The following FAM83F variants were observed in gnomAD, a reference collection of about 807,000 sequenced individuals.
FAM83F encodes scaffolding CK1 anchoring protein F.
FAM83F carries 45 observed loss-of-function variants against 42.9 expected under a neutral mutation model. The ratio of observed to expected loss-of-function variants is 1.05; its 90% CI spans 0.83 to 1.35. FAM83F has a LOEUF of 1.35. Ranked by LOEUF, FAM83F falls within the 40% of genes most tolerant of loss-of-function variation. The pLI, the probability that FAM83F is intolerant of heterozygous loss-of-function variation, is 0.00. For synonymous variants in FAM83F, 306 were observed against 298.3 expected, an observed-to-expected ratio of 1.03 and a Z score of -0.27; for missense variants, 617 against 695.9, an observed-to-expected ratio of 0.89 and a Z score of 1.28.
rs1315896776 is a variant in FAM83F at position 40,039,871 on chromosome 22, T to C, written c.*10306T>C. 4 of 152,220 alleles carry C rather than the reference T, an allele frequency of 2.6e-5. No homozygotes were observed. The highest frequency in any genetic ancestry group is 2.1e-4 in the South Asian group (1 of 4,838). 9.4% of individuals were successfully genotyped at this position (152,220 alleles called of 1,614,324 possible). The stretch of plus-strand genomic sequence containing the variant: ...TTGGATCTTGGCCACAAAAAGGTTA[T>C]AGATGAGCTTAGAGAAATGAATTTC... On this transcript the variant is annotated 3_prime_UTR_variant, in exon 5 of 5. Coordinates refer to ENST00000333407, the MANE Select transcript of FAM83F (RefSeq NM_138435.4).
intron 3 of FAM83F, among the ~76,000 whole-genome samples, chr22:40,020,897 C>T (rs945873121): frequency 7.2e-5 from 11 of 152,230 alleles, no homozygotes; most frequent in Non-Finnish European, 1.3e-4. Flanking sequence ...GTGGCAGCTG[C>T]AGTTACTATT....
rs1300764551 is a variant in FAM83F at position 40,041,533 on chromosome 22, A to G, written c.*11968A>G. On this transcript the variant is annotated 3_prime_UTR_variant, in exon 5 of 5. Coordinates refer to ENST00000333407, the MANE Select transcript of FAM83F (RefSeq NM_138435.4). ...CCCAAAAGTCCTGCCATTGGCTCTG[A>G]CAGGAATTGAAACCCATCTTCTCCA... 1 of 152,210 alleles carries G rather than the reference A, an allele frequency of 6.6e-6. No homozygotes were observed. The highest frequency in any genetic ancestry group is 2.4e-5 in the African/African-American group (1 of 41,444). The allele number at this position is 152,210 out of a possible 1,614,324, so 9.4% of individuals were successfully genotyped here. A position where few individuals can be genotyped will look rare whatever the true frequency, so the allele number is the denominator to read the frequency against.
At position 40,031,205 on chromosome 22, in the gene FAM83F, C is replaced by T. The variant is rs1273800226; in HGVS notation, c.*1640C>T. 1 of 147,608 alleles carries T rather than the reference C, an allele frequency of 6.8e-6. No individual in the cohort carries two copies. Among genetic ancestry groups the T allele is most frequent in the African/African-American group, 2.5e-5 (1 of 39,448 alleles). 9.1% of individuals were successfully genotyped at this position (147,608 alleles called of 1,614,324 possible). On this transcript the variant is annotated 3_prime_UTR_variant, in exon 5 of 5. Coordinates refer to ENST00000333407, the MANE Select transcript of FAM83F (RefSeq NM_138435.4). The stretch of plus-strand genomic sequence containing the variant: ...GAAGTGTTTCCTTAGGCACCAAGAC[C>T]AGGCAGTGTGGCATGAGCTCATTCT...
intron 1 of FAM83F, among the ~76,000 whole-genome samples, chr22:40,000,714 A>G (rs2067396479): frequency 6.6e-6 from 1 of 152,192 alleles, no homozygotes; most frequent in Non-Finnish European, 1.5e-5. Flanking sequence ...ACCTTGTTTG[A>G]GAGCTGGTCC....
At chr22:40,017,229 T>C (rs930625801) in intron 1 of FAM83F, among the ~76,000 whole-genome samples, 5 of 147,148 alleles carry the variant, frequency 3.4e-5, no homozygotes, top group Non-Finnish European at 6.0e-5. Flanking sequence ...CACTTTCTTT[T>C]TTTTTTTTTT....
intron 1 of FAM83F, among the ~76,000 whole-genome samples, chr22:40,017,214 C>T (rs1043520835): frequency 6.7e-6 from 1 of 148,986 alleles, no homozygotes; most frequent in African/African-American, 2.5e-5. Flanking sequence ...AGGTGCTGCT[C>T]TCAGCACTTT....
chr22:40,027,441 C>T (rs949126755), intron 4 of FAM83F, among the ~76,000 whole-genome samples: 3 of 152,198 alleles, frequency 2.0e-5, no homozygotes, highest in African/African-American at 7.2e-5. Flanking sequence ...CTCCGCTCCG[C>T]TGAGCGGCCC....
In FAM83F at chr22:40,021,553, A is replaced by C; in HGVS notation, c.1043A>C (p.Gln348Pro). The change falls in exon 4 of 5, where the codon CAG becomes CCG. Residue 348 changes from glutamine (Q) to proline (P), a missense_variant. Gln to Pro is a moderately conservative substitution (Grantham distance 76). Coordinates refer to ENST00000333407, the MANE Select transcript of FAM83F (RefSeq NM_138435.4). This position sits in a 1 kb window ranked among gnomAD's most constrained non-coding sequence, Gnocchi z 8.7. Reference sequence around the variant, plus strand: ...ATGATGCGCTGGGCTGCCCGGCAACAGCGGGAGGCGGGCGGCAACCCGGAG... The same window carrying C: ...ATGATGCGCTGGGCTGCCCGGCAACCGCGGGAGGCGGGCGGCAACCCGGAG... ...GEMMRWAARQ[Q>P]REAGGNPEGQ... The C allele has an allele frequency of 6.4e-7, 1 of 1,564,352 alleles. No individual in the cohort carries two copies. Among genetic ancestry groups the C allele is most frequent in the Non-Finnish European group, 8.7e-7 (1 of 1,150,290 alleles).
rs1328932431 is a variant in FAM83F at position 40,034,175 on chromosome 22, T to C, written c.*4610T>C. On this transcript the variant is annotated 3_prime_UTR_variant, in exon 5 of 5. Transcript: ENST00000333407. ...TCAGTGAACATTGACAAAGCCCCCTTAGCAGCTAATTAGCCCTGCCGTGCG... is the reference window on the plus strand; with the variant it reads ...TCAGTGAACATTGACAAAGCCCCCTCAGCAGCTAATTAGCCCTGCCGTGCG... 1 of 152,252 alleles carries C rather than the reference T, an allele frequency of 6.6e-6. No individual in the cohort carries two copies. The highest frequency in any genetic ancestry group is 1.5e-5 in the Non-Finnish European group (1 of 68,058). 9.4% of individuals were successfully genotyped at this position (152,252 alleles called of 1,614,324 possible). A position where few individuals can be genotyped will look rare whatever the true frequency, so the allele number is the denominator to read the frequency against.
At chr22:40,025,424 TA>T (rs1221602328) in intron 4 of FAM83F, among the ~76,000 whole-genome samples, 1 of 151,870 alleles carries the variant, frequency 6.6e-6, no homozygotes, top group Non-Finnish European at 1.5e-5. Flanking sequence ...CTCAAAAAAA[TA>T]AAAGCAAAAG....
intron 4 of FAM83F, among the ~76,000 whole-genome samples, chr22:40,024,860 G>A (rs769811260): frequency 6.6e-6 from 1 of 152,202 alleles, no homozygotes; most frequent in South Asian, 2.1e-4. Context: ...TGCAAACCCA[G>A]GTGTGGCCCT....
intron 1 of FAM83F, among the ~76,000 whole-genome samples, chr22:40,018,621 T>TC (rs60193634): frequency 1.3e-5 from 2 of 148,382 alleles, no homozygotes; most frequent in Non-Finnish European, 3.0e-5. Flanking sequence ...TTTTTTTTTT[T>TC]CGCTCTTGTT....
In FAM83F at chr22:40,019,241, G is replaced by C; in HGVS notation, c.563G>C (p.Arg188Pro). The change falls in exon 2 of 5, where the codon CGC (arginine) becomes CCC (proline). Residue 188 changes from arginine to proline, a missense_variant. Transcript: ENST00000333407. ...GACATTGTGGATGCTGCCTGTAAGC[G>C]CCGGGTCCCAGTGTACATCATCCTG... ...FQDIVDAACKRRVPVYIILDE... is the reference protein window; with the variant it reads ...FQDIVDAACKPRVPVYIILDE... 1 of 1,614,162 alleles carries C rather than the reference G, an allele frequency of 6.2e-7. No homozygotes were observed. The highest frequency in any genetic ancestry group is 8.5e-7 in the Non-Finnish European group (1 of 1,180,020).
chr22:40,007,472 C>T, intron 1 of FAM83F, among the ~76,000 whole-genome samples: 1 of 21,252 alleles, frequency 4.7e-5, no homozygotes, highest in African/African-American at 2.2e-4. Context: ...TCCTCCTCTC[C>T]TCTCCTCCTC....
At chr22:40,028,125 C>T (rs994173628) in intron 4 of FAM83F, among the ~76,000 whole-genome samples, 1 of 152,260 alleles carries the variant, frequency 6.6e-6, no homozygotes, top group African/African-American at 2.4e-5. Context: ...TGACCCCCAG[C>T]GCCTTGGCCA....
chr22:40,016,493 C>T (rs1486361868), intron 1 of FAM83F, among the ~76,000 whole-genome samples: 4 of 152,084 alleles, frequency 2.6e-5, no homozygotes, highest in Non-Finnish European at 5.9e-5. Flanking sequence ...GCCACTGTGC[C>T]CAGCCTACCT....
rs2067630379 is a variant in FAM83F at position 40,037,267 on chromosome 22, G to A, written c.*7702G>A. On this transcript the variant is annotated 3_prime_UTR_variant, in exon 5 of 5. Coordinates refer to ENST00000333407, the MANE Select transcript of FAM83F (RefSeq NM_138435.4). ...CATGCCTGTAATCCCAGCTACTCGG[G>A]AGGCTGAGGCGTAGGAATTGCTTAA... 1 of 152,362 alleles carries A rather than the reference G, an allele frequency of 6.6e-6. No homozygotes were observed. The highest frequency in any genetic ancestry group is 1.5e-5 in the Non-Finnish European group (1 of 68,154). The allele number at this position is 152,362 out of a possible 1,614,324, so 9.4% of individuals were successfully genotyped here.
In FAM83F at chr22:40,019,877, T is replaced by C; in HGVS notation, c.658-10T>C. 6.2e-7 allele frequency: 1 copy of C among 1,605,680 alleles called. No homozygotes were observed. The highest frequency in any genetic ancestry group is 8.5e-7 in the Non-Finnish European group (1 of 1,176,338). On this transcript the variant is annotated splice_polypyrimidine_tract_variant and intron_variant, in intron 2 of 4. Transcript: ENST00000333407. Reference sequence around the variant, plus strand: ...ACCCAGGTGACAGGGCCTTCTGCTCTTCCCAACAGAACATCCGTGTCCGCT... The same window carrying C: ...ACCCAGGTGACAGGGCCTTCTGCTCCTCCCAACAGAACATCCGTGTCCGCT...
At position 40,019,237 on chromosome 22, in the gene FAM83F, A is replaced by G; in HGVS notation, c.559A>G (p.Lys187Glu). Residue 187 changes from lysine to glutamate, a missense_variant, in exon 2 of 5, where the codon AAG (lysine) becomes GAG (glutamate). Lys to Glu is a moderately conservative substitution (Grantham distance 56). Transcript: ENST00000333407. Reference sequence around the variant, plus strand: ...TCAAGACATTGTGGATGCTGCCTGTAAGCGCCGGGTCCCAGTGTACATCAT... The same window carrying G: ...TCAAGACATTGTGGATGCTGCCTGTGAGCGCCGGGTCCCAGTGTACATCAT... ...IFQDIVDAAC[K>E]RRVPVYIILD... 3 of 1,614,192 alleles carry G rather than the reference A, an allele frequency of 1.9e-6. No individual in the cohort carries two copies. The highest frequency in any genetic ancestry group is 2.5e-6 in the Non-Finnish European group (3 of 1,180,036).
Sources: gnomAD v4.1 joint callset for allele counts (sites outside exome capture counted in the v4.1 genomes callset) on GRCh38, gnomAD v4.1.1 for gene constraint, Gnocchi (gnomAD v3.1) non-coding constraint, MANE v1.5 for transcripts, NCBI Gene and HGNC (gene_info 2026-07-23, HGNC 2026-07-21) for gene names.